Variants in PRR7 observed in about 807,000 individuals in gnomAD.
PRR7 encodes proline-rich protein 7.
Under a neutral mutation model 18.5 loss-of-function variants are expected in PRR7, and 8 were observed. That is an observed-to-expected ratio of 0.43 (90% CI 0.25 to 0.78). PRR7 has a LOEUF of 0.78. Ranked by LOEUF, PRR7 falls within the 30% of genes least tolerant of loss-of-function variation. PRR7 has a pLI of 0.22. For synonymous variants in PRR7, 221 were observed against 187.7 expected (o/e 1.18, Z -1.45); for missense variants, 396 against 403.1 (o/e 0.98, Z 0.15).
In PRR7 at chr5:177,449,608, A is replaced by C. The variant is rs1412688166; in HGVS notation, c.-325+2648A>C. Among the ~76,000 whole-genome samples, 2 of 152,120 alleles carry C rather than the reference A, an allele frequency of 1.3e-5. No individual in the cohort carries two copies. Among genetic ancestry groups the C allele is most frequent in the Non-Finnish European group, 2.9e-5 (2 of 68,002 alleles). On this transcript the variant is annotated intron_variant, in intron 1 of 3. Coordinates refer to ENST00000323249, the MANE Select transcript of PRR7 (RefSeq NM_030567.5). This position sits in a 1 kb window ranked among gnomAD's most constrained non-coding sequence, Gnocchi z 4.2. ...CAGCTGCGGGGATGAAGGCACAGAG[A>C]GCCACAGGCTGAGGTTTCAGAGGAG...
chr5:177,454,889 G>T lies in PRR7; in HGVS notation c.-179G>T. 1 of 821,490 alleles carries T rather than the reference G, an allele frequency of 1.2e-6. No homozygotes were observed. Among genetic ancestry groups the T allele is most frequent in the Non-Finnish European group, 1.6e-6 (1 of 621,964 alleles). The allele number at this position is 821,490 out of a possible 1,614,324, so 50.9% of individuals were successfully genotyped here. ...CCCGCCGGCGCCATGGGAAGGAGCG[G>T]GCGCCGCTGCTGTCCCCCGCCGGCG... On this transcript the variant is annotated 5_prime_UTR_variant, in exon 3 of 4. Transcript: ENST00000323249. This position sits in a 1 kb window ranked among gnomAD's most constrained non-coding sequence, Gnocchi z 4.7.
chr5:177,446,383 G>C (rs1316094248), upstream of PRR7: 1 of 152,496 alleles, frequency 6.6e-6, no homozygotes, highest in Non-Finnish European at 1.5e-5. This position sits in a 1 kb window ranked among gnomAD's most constrained non-coding sequence, Gnocchi z 5.3. Flanking sequence ...GAGCCACGTT[G>C]GGGTGCCTGC....
rs1488967281 is a variant in PRR7 at position 177,446,835 on chromosome 5, T to C, written c.-450T>C. ...CTCCAGCCCAGCGCTCGGAGCCGCT[T>C]TCGCTGCCACTGTCTGCTCCCCCGG... On this transcript the variant is annotated 5_prime_UTR_variant, in exon 1 of 4. Transcript: ENST00000323249. The surrounding 1 kb of genome is among the most constrained non-coding windows in gnomAD (Gnocchi z 5.3). 1.3e-5 allele frequency: 2 copies of C among 151,576 alleles called. No homozygotes were observed. Among genetic ancestry groups the C allele is most frequent in the East Asian group, 3.9e-4 (2 of 5,144 alleles). 9.4% of individuals were successfully genotyped at this position (151,576 alleles called of 1,614,324 possible). A position where few individuals can be genotyped will look rare whatever the true frequency, so the allele number is the denominator to read the frequency against.
intron 1 of PRR7, among the ~76,000 whole-genome samples, chr5:177,447,178 A>G (rs1755932319): frequency 6.6e-6 from 1 of 152,056 alleles, no homozygotes; most frequent in South Asian, 2.1e-4. Flanking sequence ...AGCCGCCACC[A>G]GTTCGCTTGG....
At position 177,456,029 on chromosome 5, in the gene PRR7, G is replaced by C; in HGVS notation, c.733G>C (p.Asp245His). 3 of 1,578,708 alleles carry C rather than the reference G, an allele frequency of 1.9e-6. No homozygotes were observed. Among genetic ancestry groups the C allele is most frequent in the Non-Finnish European group, 2.6e-6 (3 of 1,168,088 alleles). ...RGRRVFPSWT[D>H]SELSSREPLE... The stretch of plus-strand genomic sequence containing the variant: ...CCGCCGGGTCTTCCCCAGCTGGACC[G>C]ACTCAGAGCTCAGCAGCCGCGAGCC... Residue 245 changes from aspartate to histidine, a missense_variant, in exon 4 of 4, where the codon GAC becomes CAC. Coordinates refer to ENST00000323249, the MANE Select transcript of PRR7 (RefSeq NM_030567.5).
Position 177,455,728 on chromosome 5 carries a change from A to G in PRR7, c.432A>G (p.Glu144=), listed in dbSNP as rs1404803713. ...PRPWSYPRQA[E]SDMSKPPCYE... ...CGACCGCCTCCCACTCCGCAGCGGA[A>G]TCGGACATGTCCAAACCACCGTGTT... The change falls in exon 4 of 4, where the codon GAA becomes GAG. Residue 144 remains glutamate, a synonymous_variant. Coordinates refer to ENST00000323249, the MANE Select transcript of PRR7 (RefSeq NM_030567.5). The surrounding 1 kb of genome is among the most constrained non-coding windows in gnomAD (Gnocchi z 6.9). The G allele has an allele frequency of 1.9e-6, 3 of 1,585,740 alleles. No individual in the cohort carries two copies. The highest frequency in any genetic ancestry group is 2.6e-6 in the Non-Finnish European group (3 of 1,163,280).
Position 177,455,022 on chromosome 5 carries a change from C to G in PRR7, c.-46C>G. The G allele has an allele frequency of 2.1e-6, 3 of 1,416,966 alleles. No individual in the cohort carries two copies. The Middle Eastern group carries it at 5.7e-4, about 271-fold the overall frequency. 87.8% of individuals were successfully genotyped at this position (1,416,966 alleles called of 1,614,324 possible). ...GGGCCCGGGGCCACGCAGCGGAGCCCAGTGTCCAGTGAAGCGTCTGAGGAC... is the reference window on the plus strand; with the variant it reads ...GGGCCCGGGGCCACGCAGCGGAGCCGAGTGTCCAGTGAAGCGTCTGAGGAC... On this transcript the variant is annotated 5_prime_UTR_variant, in exon 3 of 4. Coordinates refer to ENST00000323249, the MANE Select transcript of PRR7 (RefSeq NM_030567.5). This position sits in a 1 kb window ranked among gnomAD's most constrained non-coding sequence, Gnocchi z 6.9.
Position 177,456,280 on chromosome 5 carries a change from G to C in PRR7, c.*159G>C. 4.9e-6 allele frequency: 5 copies of C among 1,017,874 alleles called. No homozygotes were observed. Among genetic ancestry groups the C allele is most frequent in the Non-Finnish European group, 6.7e-6 (5 of 744,820 alleles). 63.1% of individuals were successfully genotyped at this position (1,017,874 alleles called of 1,614,324 possible). ...ATAATAAAGGTGTGTGATCTGGTTT[G>C]GTACAAGCGGAGGGTGCACCGGCTG... On this transcript the variant is annotated 3_prime_UTR_variant, in exon 4 of 4. Coordinates refer to ENST00000323249, the MANE Select transcript of PRR7 (RefSeq NM_030567.5).
rs991239859 is a variant in PRR7 at position 177,449,358 on chromosome 5, G to C, written c.-325+2398G>C. On this transcript the variant is annotated intron_variant, in intron 1 of 3. Coordinates refer to ENST00000323249, the MANE Select transcript of PRR7 (RefSeq NM_030567.5). This position sits in a 1 kb window ranked among gnomAD's most constrained non-coding sequence, Gnocchi z 4.2. The stretch of plus-strand genomic sequence containing the variant: ...GCAGGGTGATCCCTCATCAGAGGGA[G>C]TTCTGTTGTCCCCTCGGCACCCTGG... Among the ~76,000 whole-genome samples the C allele has an allele frequency of 9.9e-5, 15 of 152,176 alleles. No homozygotes were observed. Among genetic ancestry groups the C allele is most frequent in the African/African-American group, 2.2e-4 (9 of 41,424 alleles).
chr5:177,446,418 CGTGT>C (rs1347776861), upstream of PRR7: 1 of 152,400 alleles, frequency 6.6e-6, no homozygotes. The surrounding 1 kb of genome is among the most constrained non-coding windows in gnomAD (Gnocchi z 5.3). Flanking sequence ...CTGCCCACTG[CGTGT>C]GCGCAGCGCC....
rs540570227 is a variant in PRR7 at position 177,455,568 on chromosome 5, C to G, written c.427+74C>G. On this transcript the variant is annotated intron_variant, in intron 3 of 3. Transcript: ENST00000323249. The surrounding 1 kb of genome is among the most constrained non-coding windows in gnomAD (Gnocchi z 6.9). ...CGGGCGTTGGAGGGCTCGCTGCTTA[C>G]CCTCAGGGCTTCCATCCGCAGCCTC... 5 of 1,420,440 alleles carry G rather than the reference C, an allele frequency of 3.5e-6. No homozygotes were observed. In the African/African-American group the frequency reaches 7.5e-5, roughly 21 times the overall value. The allele number at this position is 1,420,440 out of a possible 1,614,324, so 88.0% of individuals were successfully genotyped here.
In PRR7 at chr5:177,450,340, C is replaced by T. The variant is rs986349777; in HGVS notation, c.-325+3380C>T. The stretch of plus-strand genomic sequence containing the variant: ...CCCCCAGAGCCCTGGTGTGTGCCTC[C>T]GTACAGCCTTTTCCTTTGATTCACG... On this transcript the variant is annotated intron_variant, in intron 1 of 3. Transcript: ENST00000323249. This position sits in a 1 kb window ranked among gnomAD's most constrained non-coding sequence, Gnocchi z 6.6. Among the ~76,000 whole-genome samples, 4 of 152,162 alleles carry T rather than the reference C, an allele frequency of 2.6e-5. No individual in the cohort carries two copies. Among genetic ancestry groups the T allele is most frequent in the Admixed American group, 6.5e-5 (1 of 15,282 alleles).
chr5:177,454,927 G>C lies in PRR7; in HGVS notation c.-141G>C, dbSNP rs978368474. 1.1e-4 allele frequency: 126 copies of C among 1,183,774 alleles called. No homozygotes were observed. The East Asian group carries it at 4.0e-3, about 37-fold the overall frequency. 73.3% of individuals were successfully genotyped at this position (1,183,774 alleles called of 1,614,324 possible). ...TCCCCCGCCGGCGCGCGCACGACTT[G>C]AGACCTGCCACGGGCAGCCCCCGGC... On this transcript the variant is annotated 5_prime_UTR_variant, in exon 3 of 4. An upstream open reading frame in the 5' UTR loses its in-frame stop. Transcript: ENST00000323249. This position sits in a 1 kb window ranked among gnomAD's most constrained non-coding sequence, Gnocchi z 4.7.
rs1756385222 is a variant in PRR7 at position 177,455,614 on chromosome 5, C to T, written c.428-110C>T. ...GCCTCCGGGAGAACACGGGCGGCGG[C>T]GGGCTCGGGTTCGGGCTAGGGCTGG... is the stretch of plus-strand genomic sequence containing the variant. On this transcript the variant is annotated intron_variant, in intron 3 of 3. Coordinates refer to ENST00000323249, the MANE Select transcript of PRR7 (RefSeq NM_030567.5). This position sits in a 1 kb window ranked among gnomAD's most constrained non-coding sequence, Gnocchi z 6.9. The T allele has an allele frequency of 7.2e-7, 1 of 1,395,248 alleles. No homozygotes were observed. The highest frequency in any genetic ancestry group is 9.3e-7 in the Non-Finnish European group (1 of 1,073,632). 86.4% of individuals were successfully genotyped at this position (1,395,248 alleles called of 1,614,324 possible). A position where few individuals can be genotyped will look rare whatever the true frequency, so the allele number is the denominator to read the frequency against.
Position 177,456,270 on chromosome 5 carries a change from G to C in PRR7, c.*149G>C. 9.1e-7 allele frequency: 1 copy of C among 1,096,676 alleles called. No individual in the cohort carries two copies. Among genetic ancestry groups the C allele is most frequent in the Non-Finnish European group, 1.2e-6 (1 of 812,090 alleles). The allele number at this position is 1,096,676 out of a possible 1,614,324, so 67.9% of individuals were successfully genotyped here. A position where few individuals can be genotyped will look rare whatever the true frequency, so the allele number is the denominator to read the frequency against. On this transcript the variant is annotated 3_prime_UTR_variant, in exon 4 of 4. Transcript: ENST00000323249. ...CATTTTGAGGATAATAAAGGTGTGT[G>C]ATCTGGTTTGGTACAAGCGGAGGGT...
rs769279083 is a variant in PRR7, at chr5:177,454,399, G to T, written c.-240+359G>T. Among the ~76,000 whole-genome samples, 68 of 152,294 alleles carry T rather than the reference G, an allele frequency of 4.5e-4. No homozygotes were observed. The highest frequency in any genetic ancestry group is 3.4e-3 in the Middle Eastern group (1 of 294). On this transcript the variant is annotated intron_variant, in intron 2 of 3. Coordinates refer to ENST00000323249, the MANE Select transcript of PRR7 (RefSeq NM_030567.5). The surrounding 1 kb of genome is among the most constrained non-coding windows in gnomAD (Gnocchi z 4.7). ...CTGCCAGGCGTCTGTACAGGGCGTCGGGTGGCTGTCTGTGGGGCTCTAGGA... is the reference window on the plus strand; with the variant it reads ...CTGCCAGGCGTCTGTACAGGGCGTCTGGTGGCTGTCTGTGGGGCTCTAGGA...
chr5:177,454,912 G>T lies in PRR7; in HGVS notation c.-156G>T. ...CGGGCGCCGCTGCTGTCCCCCGCCG[G>T]CGCGCGCACGACTTGAGACCTGCCA... On this transcript the variant is annotated 5_prime_UTR_variant, in exon 3 of 4. Coordinates refer to ENST00000323249, the MANE Select transcript of PRR7 (RefSeq NM_030567.5). The surrounding 1 kb of genome is among the most constrained non-coding windows in gnomAD (Gnocchi z 4.7). 3.8e-6 allele frequency: 4 copies of T among 1,059,294 alleles called. No homozygotes were observed. Among genetic ancestry groups the T allele is most frequent in the Non-Finnish European group, 4.8e-6 (4 of 833,032 alleles). The allele number at this position is 1,059,294 out of a possible 1,614,324, so 65.6% of individuals were successfully genotyped here. A position where few individuals can be genotyped will look rare whatever the true frequency, so the allele number is the denominator to read the frequency against.
rs1756110615 is a variant in PRR7, at chr5:177,450,042, T to C, written c.-325+3082T>C. Among the ~76,000 whole-genome samples the C allele has an allele frequency of 6.6e-6, 1 of 152,156 alleles. No individual in the cohort carries two copies. Among genetic ancestry groups the C allele is most frequent in the Non-Finnish European group, 1.5e-5 (1 of 68,008 alleles). ...ACCCGGGCTTCACACCACCTGGCTA[T>C]GGAGACCTGAGCTGGACCCACTCCT... On this transcript the variant is annotated intron_variant, in intron 1 of 3. Transcript: ENST00000323249. This position sits in a 1 kb window ranked among gnomAD's most constrained non-coding sequence, Gnocchi z 6.6.
In PRR7 at chr5:177,455,288, C is replaced by T. The variant is rs916528188; in HGVS notation, c.221C>T (p.Pro74Leu). Residue 74 changes from proline to leucine, a missense_variant, in exon 3 of 4, where the codon CCG becomes CTG. Physicochemically the swap from Pro to Leu is moderately conservative, Grantham distance 98. Around this residue, in one of 2 missense-constraint regions of PRR7, gnomAD observed 383 missense variants for 372.6 expected, o/e 1.03. Transcript: ENST00000323249. This position sits in a 1 kb window ranked among gnomAD's most constrained non-coding sequence, Gnocchi z 6.9. ...GCCGGGAGCCCCCCGGGCCTGGCGC[C>T]GCCGCAGCCACCACCACACCGTAGC... ...SLAGSPPGLA[P>L]PQPPPHRSRL... 6.6e-6 allele frequency: 10 copies of T among 1,506,872 alleles called. No individual in the cohort carries two copies. The highest frequency in any genetic ancestry group is 2.1e-5 in the Admixed American group (1 of 46,984). The allele number at this position is 1,506,872 out of a possible 1,614,324, so 93.3% of individuals were successfully genotyped here.
Sources: gnomAD v4.1 joint callset for allele counts (sites outside exome capture counted in the v4.1 genomes callset) on GRCh38, gnomAD v4.1.1 for gene constraint, gnomAD v4.1.1 regional missense constraint, Gnocchi (gnomAD v3.1) non-coding constraint, MANE v1.5 for transcripts, NCBI Gene and HGNC (gene_info 2026-07-23, HGNC 2026-07-21) for gene names.